MYOM2: variants seen among roughly 807,000 people sequenced by gnomAD.
MYOM2 encodes the protein myomesin-2.
A neutral mutation model predicts 187.6 loss-of-function variants in MYOM2; 254 were observed. The ratio of observed to expected loss-of-function variants is 1.35; its 90% CI spans 1.22 to 1.50. The LOEUF is 1.50. Ranked by LOEUF, MYOM2 falls within the 40% of genes most tolerant of loss-of-function variation. The pLI is 0.00. For synonymous variants in MYOM2, 981 were observed against 753.8 expected, an observed-to-expected ratio of 1.30 and a Z score of -4.94; for missense variants, 2,796 against 1,924.0, an observed-to-expected ratio of 1.45 and a Z score of -8.48.
In MYOM2 at chr8:2,131,938, C is replaced by T. The variant is rs142489159; in HGVS notation, c.3800+2706C>T. Among the ~76,000 whole-genome samples, 446 of 152,174 alleles carry T rather than the reference C, an allele frequency of 2.9e-3. 4 individuals are homozygous for T. Among genetic ancestry groups the T allele is most frequent in the Non-Finnish European group, 4.3e-3 (295 of 68,020 alleles). On this transcript the variant is annotated intron_variant, in intron 32 of 36. Transcript: ENST00000262113. ...GATTACAGGCGTGAGCTACCGCAGC[C>T]GGCCAATAGGCATTTCTTTAACACC...
chr8:2,078,135 C>T (rs1275523318), intron 11 of MYOM2, among the ~76,000 whole-genome samples: 1 of 152,168 alleles, frequency 6.6e-6, no homozygotes, highest in Non-Finnish European at 1.5e-5. Flanking sequence ...GTTAATCTTT[C>T]CTATATTTCC....
chr8:2,050,565 C>T (rs1030621955), intron 1 of MYOM2, among the ~76,000 whole-genome samples, 190 bp from the exon 2 acceptor site: 1 of 152,178 alleles, frequency 6.6e-6, no homozygotes, highest in Non-Finnish European at 1.5e-5. Flanking sequence ...AAGTTGGGTC[C>T]CTGGGAAGTT....
At chr8:2,047,959 A>G (rs575579950) in intron 1 of MYOM2, among the ~76,000 whole-genome samples, 1 of 152,366 alleles carries the variant, frequency 6.6e-6, no homozygotes, top group South Asian at 2.1e-4. Flanking sequence ...GTGAGCTCTC[A>G]AGACCTGAGC....
At position 2,069,154 on chromosome 8, in the gene MYOM2, A is replaced by G. The variant is rs546982695; in HGVS notation, c.654-124A>G. 8.8e-5 allele frequency: 78 copies of G among 883,988 alleles called. No individual in the cohort carries two copies. The Admixed American group carries it at 1.5e-3, about 17-fold the overall frequency. The allele number at this position is 883,988 out of a possible 1,614,324, so 54.8% of individuals were successfully genotyped here. A position where few individuals can be genotyped will look rare whatever the true frequency, so the allele number is the denominator to read the frequency against. ...ACAGAGCTGGCATTGTTCTTGCACA[A>G]ATCACTCATGAACAAATAAACCACG... On this transcript the variant is annotated intron_variant, in intron 6 of 36. Coordinates refer to ENST00000262113, the MANE Select transcript of MYOM2 (RefSeq NM_003970.4).
intron 3 of MYOM2, among the ~76,000 whole-genome samples, chr8:2,056,172 C>T (rs1416627185): frequency 6.6e-6 from 1 of 152,104 alleles, no homozygotes; most frequent in African/African-American, 2.4e-5. Context: ...AGAGAAATAA[C>T]AGGAGGTCTG....
chr8:2,140,771 A>AG lies in MYOM2; in HGVS notation c.3850dup (p.Glu1284GlyfsTer9). The AG allele has an allele frequency of 6.2e-7, 1 of 1,614,146 alleles. No homozygotes were observed. The highest frequency in any genetic ancestry group is 8.5e-7 in the Non-Finnish European group (1 of 1,180,002). On this transcript the variant is annotated frameshift_variant, in exon 33 of 37. Coordinates refer to ENST00000262113, the MANE Select transcript of MYOM2 (RefSeq NM_003970.4). LOFTEE classifies it high-confidence loss of function. ...AGCATATGAGAATCGGGGGGAGTGA[A>AG]GAGATGGCTTGGCTGCAGATATGTG...
At chr8:2,137,747 G>A (rs539546254) in intron 32 of MYOM2, among the ~76,000 whole-genome samples, 1 of 152,258 alleles carries the variant, frequency 6.6e-6, no homozygotes, top group South Asian at 2.1e-4. Flanking sequence ...GTCAATAAAC[G>A]ATTACAGTGG....
At position 2,057,827 on chromosome 8, in the gene MYOM2, T is replaced by A. The variant is rs1157449634; in HGVS notation, c.560+47T>A. 4 of 1,589,602 alleles carry A rather than the reference T, an allele frequency of 2.5e-6. No individual in the cohort carries two copies. The African/African-American group carries it at 5.4e-5, about 21-fold the overall frequency. ...GGGTGAAGAAGTCCATTCTGCGTTTTCTTTCAGAAAGACCCCAGTTAAGGA... is the reference window on the plus strand; with the variant it reads ...GGGTGAAGAAGTCCATTCTGCGTTTACTTTCAGAAAGACCCCAGTTAAGGA... On this transcript the variant is annotated intron_variant, in intron 5 of 36. Coordinates refer to ENST00000262113, the MANE Select transcript of MYOM2 (RefSeq NM_003970.4).
chr8:2,133,125 A>G (rs753432553), intron 32 of MYOM2, among the ~76,000 whole-genome samples: 62 of 150,888 alleles, frequency 4.1e-4, no homozygotes, highest in South Asian at 6.3e-4. Flanking sequence ...AGTTCTCTGC[A>G]TGTGTTCTGA....
intron 6 of MYOM2, among the ~76,000 whole-genome samples, chr8:2,059,680 C>T (rs1204599746): frequency 6.6e-6 from 1 of 151,750 alleles, no homozygotes; most frequent in Non-Finnish European, 1.5e-5. Context: ...ATACATCCAG[C>T]ACCCAGGGTC....
At chr8:2,140,949 G>A (rs1298855644) in intron 33 of MYOM2, 63 bp downstream of exon 33, 2 of 1,504,684 alleles carry the variant, frequency 1.3e-6, no homozygotes, top group Admixed American at 1.9e-5. Context: ...AGATGCTGAA[G>A]GGAGGGAATA....
chr8:2,143,481 GT>G, intron 36 of MYOM2, 25 bp downstream of exon 36: 1 of 1,614,078 alleles, frequency 6.2e-7, no homozygotes, highest in Non-Finnish European at 8.5e-7. Context: ...CTCGGCCGGG[GT>G]GGGGGTGTCA....
At position 2,057,497 on chromosome 8, in the gene MYOM2, C is replaced by T. The variant is rs1585826324; in HGVS notation, c.402+11C>T. ...GCCATTCAGCAGATGGTAGGAGGGT[C>T]TCAGGGTGGCTGGGTGTCTGGGAAG... On this transcript the variant is annotated intron_variant, in intron 4 of 36. Coordinates refer to ENST00000262113, the MANE Select transcript of MYOM2 (RefSeq NM_003970.4). The T allele has an allele frequency of 1.9e-6, 3 of 1,613,876 alleles. No homozygotes were observed. Among genetic ancestry groups the T allele is most frequent in the African/African-American group, 1.3e-5 (1 of 75,040 alleles).
At chr8:2,070,486 T>C in intron 8 of MYOM2, among the ~76,000 whole-genome samples, 2 of 152,204 alleles carry the variant, frequency 1.3e-5, no homozygotes, top group Middle Eastern at 3.4e-3. Context: ...AAAGTGAGCC[T>C]GGGGAGCCCG....
intron 32 of MYOM2, among the ~76,000 whole-genome samples, chr8:2,130,143 C>A (rs1442561164): frequency 0.022 from 1,492 of 69,144 alleles, 3 homozygotes; most frequent in African/African-American, 0.066. Context: ...CAGGGCGTCC[C>A]CACCGCGCCT....
chr8:2,126,571 C>T (rs920876055), intron 31 of MYOM2, among the ~76,000 whole-genome samples: 1 of 152,142 alleles, frequency 6.6e-6, no homozygotes, highest in East Asian at 1.9e-4. Context: ...TGTAGACTCA[C>T]ACACTGATGC....
intron 11 of MYOM2, chr8:2,076,717 C>G (rs1269067043): frequency 6.4e-6 from 1 of 156,680 alleles, no homozygotes; most frequent in Non-Finnish European, 1.4e-5. Flanking sequence ...TAACAAAGTT[C>G]TTTCCTTTTC....
intron 32 of MYOM2, among the ~76,000 whole-genome samples, chr8:2,130,299 C>T (rs188615703): frequency 0.014 from 1,883 of 134,264 alleles, 12 homozygotes; most frequent in Non-Finnish European, 0.02. Flanking sequence ...GCCCACACCC[C>T]GCCTTTAGTT....
chr8:2,099,488 G>A (rs1796610947), intron 19 of MYOM2, among the ~76,000 whole-genome samples: 1 of 152,118 alleles, frequency 6.6e-6, no homozygotes, highest in Admixed American at 6.5e-5. Flanking sequence ...TCATTCGTGG[G>A]TGAGCTCCTG....
Sources: gnomAD v4.1 joint callset for allele counts (sites outside exome capture counted in the v4.1 genomes callset) on GRCh38, gnomAD v4.1.1 for gene constraint, MANE v1.5 for transcripts, NCBI Gene and HGNC (gene_info 2026-07-23, HGNC 2026-07-21) for gene names.